The following CDC42BPA variants were observed in gnomAD, a reference collection of about 807,000 sequenced individuals.
CDC42BPA encodes the protein serine/threonine-protein kinase MRCK alpha.
CDC42BPA carries 80 observed loss-of-function variants against 223.5 expected under a neutral mutation model. That is an observed-to-expected ratio of 0.36 (90% CI 0.30 to 0.43). The LOEUF is 0.43. Among genes scored for constraint, CDC42BPA ranks in the 20% least tolerant of loss-of-function variants. The pLI is 1.00. For synonymous variants in CDC42BPA, 694 were observed against 718.6 expected (o/e 0.97, Z 0.55); for missense variants, 1,743 against 2,099.9 (o/e 0.83, Z 3.32).
chr1:227,077,874 AATAGT>A (rs1558443771), intron 17 of CDC42BPA, among the ~76,000 whole-genome samples: 1 of 152,138 alleles, frequency 6.6e-6, no homozygotes, highest in African/African-American at 2.4e-5. Flanking sequence ...TTCATTTGTA[AATAGT>A]ATTAAGTCCT....
chr1:227,172,068 C>A (rs1233712690), intron 5 of CDC42BPA, among the ~76,000 whole-genome samples: 1 of 152,102 alleles, frequency 6.6e-6, no homozygotes, highest in African/African-American at 2.4e-5. Flanking sequence ...CAGCATACTG[C>A]ATTATATTAA....
intron 1 of CDC42BPA, among the ~76,000 whole-genome samples, chr1:227,268,877 G>A (rs1685519667): frequency 7.4e-6 from 1 of 134,782 alleles, no homozygotes; most frequent in East Asian, 2.3e-4. Context: ...GTAGAGACAG[G>A]GTTTGCCATG....
intron 5 of CDC42BPA, among the ~76,000 whole-genome samples, chr1:227,190,959 C>G (rs896624450): frequency 3.3e-5 from 5 of 151,932 alleles, no homozygotes; most frequent in African/African-American, 1.2e-4. Context: ...AGATGTTTAA[C>G]CTAAAGAAGA....
At chr1:227,059,250 A>G in intron 21 of CDC42BPA, 1 of 781,388 alleles carries the variant, frequency 1.3e-6, no homozygotes, top group Non-Finnish European at 2.1e-6. Context: ...CAGCAGCACA[A>G]AGCATGCAAT....
At chr1:227,055,242 C>A (rs1558389679) in intron 21 of CDC42BPA, among the ~76,000 whole-genome samples, 1 of 151,948 alleles carries the variant, frequency 6.6e-6, no homozygotes, top group Non-Finnish European at 1.5e-5. Context: ...TTAAGTATTT[C>A]ATTTCTCGGT....
At chr1:227,265,720 A>G (rs1684883705) in intron 1 of CDC42BPA, among the ~76,000 whole-genome samples, 1 of 152,092 alleles carries the variant, frequency 6.6e-6, no homozygotes, top group Non-Finnish European at 1.5e-5. Flanking sequence ...TATCCTCTAG[A>G]CCCTAGTTTC....
At chr1:227,227,333 A>G (rs561462632) in intron 2 of CDC42BPA, among the ~76,000 whole-genome samples, 1 of 152,326 alleles carries the variant, frequency 6.6e-6, no homozygotes, top group South Asian at 2.1e-4. Flanking sequence ...GAACTTATAA[A>G]TCACATTGTA....
intron 2 of CDC42BPA, among the ~76,000 whole-genome samples, chr1:227,236,757 G>A (rs1244255457): frequency 3.3e-5 from 5 of 152,056 alleles, no homozygotes; most frequent in Admixed American, 1.3e-4. Flanking sequence ...CCATGATCCC[G>A]ACTTTTGTGA....
chr1:227,170,351 G>T (rs1389813886), intron 5 of CDC42BPA, among the ~76,000 whole-genome samples: 1 of 151,620 alleles, frequency 6.6e-6, no homozygotes, highest in East Asian at 1.9e-4. Context: ...GAGCCATCTT[G>T]ACAGTGATTC....
intron 2 of CDC42BPA, among the ~76,000 whole-genome samples, chr1:227,230,813 T>C (rs1160273092): frequency 4.0e-5 from 2 of 49,800 alleles, no homozygotes. Context: ...TTCTTTTTTC[T>C]TTCTTTCTTT....
At position 227,016,484 on chromosome 1, in the gene CDC42BPA, T is replaced by C. The variant is rs79221923; in HGVS notation, c.4740-287A>G. Among the ~76,000 whole-genome samples the C allele has an allele frequency of 8.3e-3, 1,264 of 152,276 alleles. 10 individuals carry two copies. Among genetic ancestry groups the C allele is most frequent in the Non-Finnish European group, 0.012 (813 of 68,006 alleles). On this transcript the variant is annotated intron_variant, in intron 33 of 36. Transcript: ENST00000366766. ...TACATATAATTCTGAACATTTTATG[T>C]ATCTCTTTAAAAATGATTGGTAACA...
intron 32 of CDC42BPA, among the ~76,000 whole-genome samples, chr1:227,020,030 G>A (rs1292026549): frequency 6.6e-6 from 1 of 152,048 alleles, no homozygotes; most frequent in Non-Finnish European, 1.5e-5. Context: ...CCAAGTAGCT[G>A]GGATTACAGG....
intron 15 of CDC42BPA, among the ~76,000 whole-genome samples, chr1:227,097,584 A>C (rs755875957): frequency 1.7e-4 from 26 of 152,200 alleles, no homozygotes; most frequent in Non-Finnish European, 4.4e-5. Context: ...AGGAAAAGGC[A>C]GTCTACCACT....
At position 227,144,831 on chromosome 1, in the gene CDC42BPA, C is replaced by G. The variant is rs186184539; in HGVS notation, c.1143+658G>C. Among the ~76,000 whole-genome samples, 9 of 152,134 alleles carry G rather than the reference C, an allele frequency of 5.9e-5. No individual in the cohort carries two copies. The East Asian group carries it at 1.7e-3, about 29-fold the overall frequency. ...GGCAGGGCTATACCTCAGAGCTATA[C>G]CACGTCTGTGGACTATTTTCCCTAT... On this transcript the variant is annotated intron_variant, in intron 8 of 36. Transcript: ENST00000366766.
At chr1:227,310,050 A>T (rs898749475) in intron 1 of CDC42BPA, among the ~76,000 whole-genome samples, 3 of 152,150 alleles carry the variant, frequency 2.0e-5, no homozygotes, top group Admixed American at 2.0e-4. Context: ...TTCTCTCAAA[A>T]TTTCTTTCTA....
At chr1:227,171,069 G>T (rs1195251803) in intron 5 of CDC42BPA, among the ~76,000 whole-genome samples, 1 of 152,140 alleles carries the variant, frequency 6.6e-6, no homozygotes, top group African/African-American at 2.4e-5. Flanking sequence ...TCAATAAAAG[G>T]AGTGAAAGGA....
chr1:227,159,797 A>G (rs1389774125), intron 6 of CDC42BPA, among the ~76,000 whole-genome samples: 1 of 152,000 alleles, frequency 6.6e-6, no homozygotes, highest in East Asian at 1.9e-4. Context: ...AAGTGTTGGG[A>G]TTACAAGCGT....
At chr1:227,028,121 CAAA>C (rs10634100) in intron 30 of CDC42BPA, among the ~76,000 whole-genome samples, 1 of 140,292 alleles carries the variant, frequency 7.1e-6, no homozygotes. Context: ...CTCCATCTCT[CAAA>C]AAAAAAAAAA....
intron 12 of CDC42BPA, among the ~76,000 whole-genome samples, chr1:227,116,648 T>G (rs913120486): frequency 3.3e-5 from 5 of 152,210 alleles, no homozygotes; most frequent in Non-Finnish European, 7.3e-5. Flanking sequence ...TATGGAGAGA[T>G]ATCATGTTTA....
Sources: gnomAD v4.1 joint callset for allele counts (sites outside exome capture counted in the v4.1 genomes callset) on GRCh38, gnomAD v4.1.1 for gene constraint, MANE v1.5 for transcripts, NCBI Gene and HGNC (gene_info 2026-07-23, HGNC 2026-07-21) for gene names.